MTUS2: variants seen among roughly 807,000 people sequenced by gnomAD.
The protein encoded by MTUS2 is microtubule associated scaffold protein 2.
In MTUS2, 40 loss-of-function variants were observed where a neutral mutation model predicts 114.1. The ratio of observed to expected loss-of-function variants is 0.35; its 90% CI spans 0.27 to 0.46. MTUS2 has a LOEUF of 0.46. Ranked by LOEUF, MTUS2 falls within the 20% of genes least tolerant of loss-of-function variation. The probability of loss-of-function intolerance (pLI) is 1.00; values close to 1 mark genes in which losing one functional copy is unlikely to be tolerated. For missense variants in MTUS2, 1,679 were observed against 1,705.4 expected (o/e 0.98, Z 0.27); for synonymous variants, 688 against 672.0 (o/e 1.02, Z -0.37).
At chr13:29,332,562 T>A (rs1678206482) in intron 7 of MTUS2, among the ~76,000 whole-genome samples, 1 of 152,046 alleles carries the variant, frequency 6.6e-6, no homozygotes, top group South Asian at 2.1e-4. Flanking sequence ...TCTCCTTCAG[T>A]TCTGCTCTGA....
chr13:29,099,832 TTC>T (rs1890334451), intron 4 of MTUS2, among the ~76,000 whole-genome samples: 1 of 152,220 alleles, frequency 6.6e-6, no homozygotes, highest in African/African-American at 2.4e-5. Context: ...AATATTGTGA[TTC>T]TCTCTGGTGC....
intron 2 of MTUS2, among the ~76,000 whole-genome samples, chr13:28,972,349 C>A (rs1359814159): frequency 2.0e-5 from 3 of 152,162 alleles, no homozygotes; most frequent in Non-Finnish European, 4.4e-5. Context: ...CATTATTAAC[C>A]TAAGAAATAA....
At chr13:29,367,932 G>T (rs1214701691) in intron 8 of MTUS2, among the ~76,000 whole-genome samples, 3 of 137,834 alleles carry the variant, frequency 2.2e-5, no homozygotes, top group African/African-American at 8.0e-5. Context: ...TTTCCTCCTA[G>T]AATCTACTTC....
At chr13:29,485,647 G>A (rs11840458) in intron 10 of MTUS2, among the ~76,000 whole-genome samples, 3,959 of 152,238 alleles carry the variant, frequency 0.026, 164 homozygotes, top group African/African-American at 0.089. Context: ...TACAATGGGC[G>A]TGGTATTCCA....
chr13:28,945,580 C>T lies in MTUS2; in HGVS notation c.-242-78877C>T, dbSNP rs181374598. On this transcript the variant is annotated intron_variant, in intron 2 of 15. Coordinates refer to ENST00000612955, the MANE Select transcript of MTUS2 (RefSeq NM_001033602.4). ...AATTTGCATTTCTGATGATTAGTGA[C>T]GTCCAACATTTTTTCATATATTTGT... is the stretch of plus-strand genomic sequence containing the variant. Among the ~76,000 whole-genome samples, 214 of 152,170 alleles carry T rather than the reference C, an allele frequency of 1.4e-3. 1 individual carries two copies. Among genetic ancestry groups the T allele is most frequent in the African/African-American group, 4.6e-3 (192 of 41,524 alleles).
At chr13:28,894,300 GAGA>G (rs1397594194) in intron 2 of MTUS2, among the ~76,000 whole-genome samples, 1 of 14,414 alleles carries the variant, frequency 6.9e-5, no homozygotes, top group Non-Finnish European at 1.9e-4. Flanking sequence ...GAGAGAGAGA[GAGA>G]GGGGGGGGGG....
chr13:29,278,921 A>C (rs1328110998), intron 5 of MTUS2, among the ~76,000 whole-genome samples: 1 of 152,196 alleles, frequency 6.6e-6, no homozygotes, highest in African/African-American at 2.4e-5. Flanking sequence ...CGAGCAGCCC[A>C]TCTGATATTA....
chr13:29,364,246 A>T (rs1870516308), intron 8 of MTUS2, among the ~76,000 whole-genome samples: 1 of 152,208 alleles, frequency 6.6e-6, no homozygotes, highest in Non-Finnish European at 1.5e-5. Flanking sequence ...ATCCTTGATA[A>T]TGGGAAGGAG....
intron 5 of MTUS2, among the ~76,000 whole-genome samples, chr13:29,118,400 A>T (rs1384788060): frequency 1.3e-5 from 2 of 152,162 alleles, no homozygotes; most frequent in Non-Finnish European, 2.9e-5. Context: ...CGTGATGCAC[A>T]GCAGGGTAAG....
At chr13:29,302,620 C>T (rs556315944) in intron 6 of MTUS2, among the ~76,000 whole-genome samples, 2 of 152,208 alleles carry the variant, frequency 1.3e-5, no homozygotes, top group Non-Finnish European at 2.9e-5. Context: ...CTTAGAGTCC[C>T]AGTCAGCCCA....
At chr13:28,954,484 G>A (rs1882965776) in intron 2 of MTUS2, among the ~76,000 whole-genome samples, 1 of 152,128 alleles carries the variant, frequency 6.6e-6, no homozygotes, top group Non-Finnish European at 1.5e-5. Flanking sequence ...TTTCCTAACC[G>A]AATGCAGCTG....
At chr13:29,323,445 T>A (rs1342541000) in intron 6 of MTUS2, among the ~76,000 whole-genome samples, 1 of 152,016 alleles carries the variant, frequency 6.6e-6, no homozygotes, top group Non-Finnish European at 1.5e-5. Context: ...AAAGACGGGG[T>A]TTCACCGTGT....
intron 5 of MTUS2, among the ~76,000 whole-genome samples, chr13:29,161,436 TTATAA>T (rs927477094): frequency 4.0e-5 from 6 of 151,190 alleles, no homozygotes; most frequent in Middle Eastern, 3.2e-3. Context: ...ACATATATTA[TTATAA>T]TATATAGTAT....
In MTUS2 at chr13:29,039,496, G is replaced by C. The variant is rs57449745; in HGVS notation, c.2446+5371G>C. ...CTGCAGCGGGGGAGGGCAGCACCCA[G>C]ACCATCTGGGGGACCGGGGAAGCTC... On this transcript the variant is annotated intron_variant, in intron 4 of 15. Coordinates refer to ENST00000612955, the MANE Select transcript of MTUS2 (RefSeq NM_001033602.4). Among the ~76,000 whole-genome samples, 381 of 152,332 alleles carry C rather than the reference G, an allele frequency of 2.5e-3. 2 individuals are homozygous for C. Among genetic ancestry groups the C allele is most frequent in the African/African-American group, 8.8e-3 (365 of 41,588 alleles).
chr13:29,218,952 CT>C (rs59003336), intron 5 of MTUS2, among the ~76,000 whole-genome samples: 1,644 of 145,128 alleles, frequency 0.011, 10 homozygotes, highest in African/African-American at 0.019. Context: ...GCATTCATTT[CT>C]TTTTTTTTTT....
chr13:29,330,737 A>T (rs967402158), intron 7 of MTUS2, among the ~76,000 whole-genome samples: 1 of 152,154 alleles, frequency 6.6e-6, no homozygotes, highest in African/African-American at 2.4e-5. Flanking sequence ...CAAAGATCAG[A>T]TGGTTGTAGA....
intron 4 of MTUS2, among the ~76,000 whole-genome samples, chr13:29,075,297 G>A (rs1005077893): frequency 1.7e-5 from 2 of 120,736 alleles, no homozygotes; most frequent in African/African-American, 6.1e-5. Flanking sequence ...ACGTTGGTAC[G>A]GCTAAGTTGT....
rs1566172141 is a variant in MTUS2, at chr13:29,389,290, T to TGTGTGTATATATGTATATATGTATACAC, written c.3117+29817_3117+29818insGTGTGTATATATGTATATATGTATACAC. 6.9e-3 allele frequency among the ~76,000 whole-genome samples: 695 copies of TGTGTGTATATATGTATATATGTATACAC among 101,226 alleles called. 30 individuals carry two copies. Among genetic ancestry groups the TGTGTGTATATATGTATATATGTATACAC allele is most frequent in the Non-Finnish European group, 9.0e-3 (433 of 47,878 alleles). 66.4% of individuals were successfully genotyped at this position (101,226 alleles called of 152,430 possible). A position where few individuals can be genotyped will look rare whatever the true frequency, so the allele number is the denominator to read the frequency against. ...GTATATATGTATATATGTATACACA[T>TGTGTGTATATATGTATATATGTATACAC]ATGTGTGTATATGTGTATATATGTA... On this transcript the variant is annotated intron_variant, in intron 8 of 15. Transcript: ENST00000612955.
chr13:29,291,231 C>T lies in MTUS2; in HGVS notation c.2806+9366C>T, dbSNP rs530506534. 1.1e-4 allele frequency among the ~76,000 whole-genome samples: 16 copies of T among 152,290 alleles called. No individual in the cohort carries two copies. The South Asian group carries it at 2.9e-3, about 28-fold the overall frequency. ...CAGCGCACCTCTCTCCTAGTTTCGT[C>T]TCTCCACTGTTGTTAACCCTGTGGT... On this transcript the variant is annotated intron_variant, in intron 6 of 15. Coordinates refer to ENST00000612955, the MANE Select transcript of MTUS2 (RefSeq NM_001033602.4).
Sources: allele counts gnomAD v4.1 joint callset (sites outside exome capture counted in the v4.1 genomes callset), GRCh38; gene constraint gnomAD v4.1.1; transcripts MANE v1.5; gene names NCBI Gene and HGNC (gene_info 2026-07-23, HGNC 2026-07-21).